The following PTCHD4 variants were observed in gnomAD, a reference collection of about 807,000 sequenced individuals.
PTCHD4 encodes patched domain containing 4, also known as patched domain-containing protein 4.
Under a neutral mutation model 58.1 loss-of-function variants are expected in PTCHD4, and 33 were observed. That is an observed-to-expected ratio of 0.57 (90% CI 0.43 to 0.76). The LOEUF is 0.76. Ranked by LOEUF, PTCHD4 falls within the 30% of genes least tolerant of loss-of-function variation. The pLI, the probability that PTCHD4 is intolerant of heterozygous loss-of-function variation, is 0.00. For synonymous variants in PTCHD4, 478 were observed against 409.6 expected (o/e 1.17, Z -2.02); for missense variants, 1,058 against 1,027.1 (o/e 1.03, Z -0.41).
At chr6:48,036,793 C>T (rs1457492013) in intron 3 of PTCHD4, among the ~76,000 whole-genome samples, 2 of 152,070 alleles carry the variant, frequency 1.3e-5, no homozygotes, top group African/African-American at 4.8e-5. Context: ...AATTAAGAAC[C>T]AATTTTCTAT....
intron 3 of PTCHD4, among the ~76,000 whole-genome samples, chr6:48,054,001 G>C (rs902680559): frequency 6.6e-6 from 1 of 152,032 alleles, no homozygotes; most frequent in Non-Finnish European, 1.5e-5. Flanking sequence ...AAAAGAGCTA[G>C]GTAAGATAGG....
chr6:48,039,792 C>A (rs1312781535), intron 3 of PTCHD4, among the ~76,000 whole-genome samples: 1 of 152,218 alleles, frequency 6.6e-6, no homozygotes, highest in East Asian at 1.9e-4. Flanking sequence ...CTGTCCCCAA[C>A]CTTGTTCATT....
At chr6:48,108,635 A>G (rs930444350) in intron 1 of PTCHD4, among the ~76,000 whole-genome samples, 1 of 151,724 alleles carries the variant, frequency 6.6e-6, no homozygotes, top group Non-Finnish European at 1.5e-5. Flanking sequence ...AAAAATAAAA[A>G]CTATTCTTTT....
chr6:47,964,889 C>T (rs1158206645), intron 4 of PTCHD4, among the ~76,000 whole-genome samples: 1 of 151,992 alleles, frequency 6.6e-6, no homozygotes. Context: ...TGAAGTATGT[C>T]ATTGCTCTTT....
intron 1 of PTCHD4, among the ~76,000 whole-genome samples, chr6:48,082,313 T>G (rs1215370176): frequency 6.6e-6 from 1 of 152,184 alleles, no homozygotes; most frequent in Non-Finnish European, 1.5e-5. Flanking sequence ...ATTCAATCCA[T>G]GTTTCTTTTA....
chr6:47,987,577 G>A (rs1768117283), intron 4 of PTCHD4, among the ~76,000 whole-genome samples: 1 of 151,928 alleles, frequency 6.6e-6, no homozygotes, highest in South Asian at 2.1e-4. Context: ...TACACTAAAG[G>A]GCCATTTCTG....
chr6:47,931,533 A>G (rs1386522482), intron 4 of PTCHD4, among the ~76,000 whole-genome samples: 2 of 152,206 alleles, frequency 1.3e-5, no homozygotes, highest in African/African-American at 4.8e-5. Context: ...TCAGATGGAG[A>G]AAAACAGGTA....
Position 47,874,904 on chromosome 6 carries a change from C to T in PTCHD4, c.*3399G>A, listed in dbSNP as rs1763807737. Among the ~76,000 whole-genome samples, 1 of 151,740 alleles carries T rather than the reference C, an allele frequency of 6.6e-6. No individual in the cohort carries two copies. Among genetic ancestry groups the T allele is most frequent in the Admixed American group, 6.6e-5 (1 of 15,210 alleles). ...AATCAAATCTCTAAGGTATGATTAC[C>T]TTTAACCATAAACGGTAAAAAATCT... On this transcript the variant is annotated 3_prime_UTR_variant, in exon 5 of 5. Transcript: ENST00000339488.
chr6:48,106,277 G>A (rs1765720888), intron 1 of PTCHD4, among the ~76,000 whole-genome samples: 1 of 152,120 alleles, frequency 6.6e-6, no homozygotes, highest in South Asian at 2.1e-4. Context: ...TTCATCCCTG[G>A]GATGCAAGCC....
At chr6:47,979,588 T>G (rs1767806799) in intron 4 of PTCHD4, among the ~76,000 whole-genome samples, 1 of 152,030 alleles carries the variant, frequency 6.6e-6, no homozygotes, top group African/African-American at 2.4e-5. Flanking sequence ...AAAATTAAGC[T>G]CTTAAATGAC....
chr6:47,904,479 C>T (rs550075235), intron 4 of PTCHD4, among the ~76,000 whole-genome samples: 11 of 152,274 alleles, frequency 7.2e-5, no homozygotes, highest in East Asian at 3.9e-4. Flanking sequence ...AGACCATACA[C>T]GTAGCAAAGT....
At chr6:47,934,472 T>C (rs1225017410) in intron 4 of PTCHD4, among the ~76,000 whole-genome samples, 1 of 152,054 alleles carries the variant, frequency 6.6e-6, no homozygotes, top group Non-Finnish European at 1.5e-5. Flanking sequence ...AGTATAATGC[T>C]TGCTTTCCAG....
intron 4 of PTCHD4, among the ~76,000 whole-genome samples, chr6:47,946,438 G>T (rs986416305): frequency 1.3e-5 from 2 of 152,054 alleles, no homozygotes; most frequent in Non-Finnish European, 2.9e-5. Context: ...AACGTGTAAG[G>T]ATCCTCTTTA....
intron 1 of PTCHD4, among the ~76,000 whole-genome samples, chr6:48,080,730 A>C (rs558570615): frequency 6.6e-6 from 1 of 152,348 alleles, no homozygotes; most frequent in South Asian, 2.1e-4. Context: ...AAGACACAAC[A>C]GGCTAACTTC....
chr6:47,990,794 A>C (rs998635737), intron 4 of PTCHD4, among the ~76,000 whole-genome samples: 3 of 152,238 alleles, frequency 2.0e-5, no homozygotes, highest in Non-Finnish European at 4.4e-5. Context: ...GACAGGAAAC[A>C]GGTATAGACA....
At position 47,863,928 on chromosome 6, in the gene PTCHD4, C is replaced by A. The variant is rs1181172272; in HGVS notation, c.*14375G>T. 6.6e-6 allele frequency among the ~76,000 whole-genome samples: 1 copy of A among 151,994 alleles called. No homozygotes were observed. The highest frequency in any genetic ancestry group is 1.5e-5 in the Non-Finnish European group (1 of 67,934). ...GATATGGCCTTAGTTCAGGTAATTT[C>A]TTTTCTTCAAACTGGAATGTCTTTG... On this transcript the variant is annotated 3_prime_UTR_variant, in exon 5 of 5. Coordinates refer to ENST00000339488, the MANE Select transcript of PTCHD4 (RefSeq NM_001384253.1).
At chr6:48,093,645 ACCTCC>A (rs1031372762) in intron 1 of PTCHD4, among the ~76,000 whole-genome samples, 9 of 152,002 alleles carry the variant, frequency 5.9e-5, no homozygotes, top group Non-Finnish European at 1.0e-4. Context: ...AAATCTGACA[ACCTCC>A]CTGCCCACTT....
chr6:48,052,082 T>A (rs543176795), intron 3 of PTCHD4, among the ~76,000 whole-genome samples: 25 of 152,150 alleles, frequency 1.6e-4, no homozygotes, highest in Non-Finnish European at 3.5e-4. Flanking sequence ...AGAATACATC[T>A]CTTTTGAGAA....
At chr6:48,095,479 C>T (rs1283036467) in intron 1 of PTCHD4, among the ~76,000 whole-genome samples, 2 of 152,002 alleles carry the variant, frequency 1.3e-5, no homozygotes, top group South Asian at 2.1e-4. Context: ...GTCAGGAGAT[C>T]GAAACCACTC....
Sources: gnomAD v4.1 joint callset for allele counts (sites outside exome capture counted in the v4.1 genomes callset) on GRCh38, gnomAD v4.1.1 for gene constraint, MANE v1.5 for transcripts, NCBI Gene and HGNC (gene_info 2026-07-23, HGNC 2026-07-21) for gene names.